RBPJ: variants seen among roughly 807,000 people sequenced by gnomAD.
The protein encoded by RBPJ is recombination signal binding protein for immunoglobulin kappa J region, also known as recombining binding protein suppressor of hairless.
In RBPJ, 9 loss-of-function variants were observed where a neutral mutation model predicts 67.8. That is an observed-to-expected ratio of 0.13 (90% CI 0.08 to 0.23). The LOEUF is 0.23. RBPJ is among the 10% of genes least tolerant of loss of function. RBPJ has a pLI of 1.00. For missense variants in RBPJ, 305 were observed against 595.6 expected, an observed-to-expected ratio of 0.51 and a Z score of 5.08; for synonymous variants, 198 against 203.3, an observed-to-expected ratio of 0.97 and a Z score of 0.22.
chr4:26,320,983 G>C, upstream of RBPJ: 1 of 1,613,622 alleles, frequency 6.2e-7, no homozygotes, highest in African/African-American at 1.3e-5. Flanking sequence ...GAAGGCGTCG[G>C]GGGGAATCTC....
At chr4:26,299,781 C>G (rs1304453527) in intron 1 of RBPJ, among the ~76,000 whole-genome samples, 1 of 145,924 alleles carries the variant, frequency 6.9e-6, no homozygotes, top group Non-Finnish European at 1.5e-5. Context: ...TGGGTTCAAG[C>G]GATTCTCCTG....
intron 1 of RBPJ, among the ~76,000 whole-genome samples, chr4:26,276,548 T>G (rs1721093712): frequency 6.6e-6 from 1 of 152,202 alleles, no homozygotes; most frequent in Admixed American, 6.5e-5. Context: ...ATGGAAAATC[T>G]AACATGGCCT....
intron 1 of RBPJ, among the ~76,000 whole-genome samples, chr4:26,339,086 G>C (rs752401497): frequency 1.2e-4 from 18 of 152,042 alleles, no homozygotes; most frequent in Non-Finnish European, 2.5e-4. Flanking sequence ...CTCCCAAAAT[G>C]CTGGGATTAC....
chr4:26,283,685 C>T (rs567562760), intron 1 of RBPJ, among the ~76,000 whole-genome samples: 6 of 141,884 alleles, frequency 4.2e-5, no homozygotes, highest in Admixed American at 2.2e-4. Flanking sequence ...CTTGCTCTGT[C>T]GCACAGGCTG....
At chr4:26,420,828 T>C in intron 5 of RBPJ, 103 bp downstream of exon 5, 1 of 905,538 alleles carries the variant, frequency 1.1e-6, no homozygotes, top group Non-Finnish European at 1.6e-6. Context: ...ATTAATTCTT[T>C]ACTAATATTT....
chr4:26,350,618 A>G (rs1726695592), intron 1 of RBPJ, among the ~76,000 whole-genome samples: 1 of 152,224 alleles, frequency 6.6e-6, no homozygotes, highest in African/African-American at 2.4e-5. Flanking sequence ...CAGTTCATTA[A>G]AGGACATTAA....
At chr4:26,294,350 GC>G (rs1240314552) in intron 1 of RBPJ, among the ~76,000 whole-genome samples, 2 of 151,226 alleles carry the variant, frequency 1.3e-5, no homozygotes, top group Non-Finnish European at 2.9e-5. Flanking sequence ...ACCCGCCTTG[GC>G]CTCCCAAAGT....
intron 1 of RBPJ, among the ~76,000 whole-genome samples, chr4:26,237,913 A>G (rs893121290): frequency 6.6e-6 from 1 of 152,140 alleles, no homozygotes; most frequent in African/African-American, 2.4e-5. Context: ...AGGTCTCACT[A>G]TGTTGACCAA....
intron 1 of RBPJ, among the ~76,000 whole-genome samples, chr4:26,326,596 A>G (rs929535635): frequency 6.6e-6 from 1 of 152,182 alleles, no homozygotes; most frequent in African/African-American, 2.4e-5. Context: ...TTACTGACAG[A>G]TAATTTCTTT....
chr4:26,368,771 C>A (rs557719733), intron 1 of RBPJ, among the ~76,000 whole-genome samples: 52 of 152,326 alleles, frequency 3.4e-4, no homozygotes, highest in Non-Finnish European at 4.7e-4. Flanking sequence ...TTTAAATAAA[C>A]TCCTTTGTTG....
At chr4:26,338,769 T>G (rs894527816) in intron 1 of RBPJ, among the ~76,000 whole-genome samples, 4 of 151,834 alleles carry the variant, frequency 2.6e-5, no homozygotes, top group Non-Finnish European at 5.9e-5. Context: ...GAGATGGGGT[T>G]TCACCATCTT....
intron 1 of RBPJ, among the ~76,000 whole-genome samples, chr4:26,212,946 C>T (rs964088541): frequency 6.6e-6 from 1 of 152,132 alleles, no homozygotes; most frequent in African/African-American, 2.4e-5. Flanking sequence ...AAGAACTCAT[C>T]CCCATACCAG....
chr4:26,112,866 C>T, the RBPJ span: 1 of 147,348 alleles, frequency 6.8e-6, no homozygotes, highest in East Asian at 2.1e-4. Context: ...TCAAGCGATT[C>T]TCTTGCCTCA....
chr4:26,193,767 G>A (rs937905461), intron 1 of RBPJ, among the ~76,000 whole-genome samples: 12 of 152,068 alleles, frequency 7.9e-5, no homozygotes, highest in Non-Finnish European at 1.6e-4. Flanking sequence ...TGCCTTTCCT[G>A]TTCTCCAGCT....
In RBPJ at chr4:26,374,479, C is replaced by CT. The variant is rs71186405; in HGVS notation, c.21-11861dup. On this transcript the variant is annotated intron_variant, in intron 1 of 10. Coordinates refer to ENST00000355476, the MANE Select transcript of RBPJ (RefSeq NM_015874.6). ...AAAATTCATATCCGGTCACCCTTTT[C>CT]TTTTTTTTTTTTTCGAGATGGAATC... is the stretch of plus-strand genomic sequence containing the variant. Among the ~76,000 whole-genome samples, 732 of 144,036 alleles carry CT rather than the reference C, an allele frequency of 5.1e-3. 6 individuals carry two copies. Among genetic ancestry groups the CT allele is most frequent in the Admixed American group, 0.015 (222 of 14,558 alleles). 94.5% of individuals were successfully genotyped at this position (144,036 alleles called of 152,430 possible).
chr4:26,183,817 C>T (rs921505107), intron 1 of RBPJ, among the ~76,000 whole-genome samples: 10 of 152,062 alleles, frequency 6.6e-5, no homozygotes, highest in African/African-American at 2.4e-4. Flanking sequence ...TTGAGACCAG[C>T]CTGGCCAACA....
At chr4:26,417,377 C>G (rs1734697346) in intron 4 of RBPJ, among the ~76,000 whole-genome samples, 1 of 152,146 alleles carries the variant, frequency 6.6e-6, no homozygotes, top group East Asian at 1.9e-4. Context: ...GGAGATCTTT[C>G]TGCTGTTTTT....
intron 2 of RBPJ, among the ~76,000 whole-genome samples, chr4:26,389,715 C>T (rs960851057): frequency 1.3e-5 from 2 of 151,814 alleles, no homozygotes; most frequent in Admixed American, 6.6e-5. Context: ...AAGAAATGCA[C>T]ACAATTTCTT....
chr4:26,272,838 A>G, intron 1 of RBPJ: 1 of 352,834 alleles, frequency 2.8e-6, no homozygotes, highest in Admixed American at 3.5e-5. Context: ...TCATTGTTTA[A>G]AACCATACAT....
Sources: allele counts gnomAD v4.1 joint callset (sites outside exome capture counted in the v4.1 genomes callset), GRCh38; gene constraint gnomAD v4.1.1; transcripts MANE v1.5; gene names NCBI Gene and HGNC (gene_info 2026-07-23, HGNC 2026-07-21).